The following XIRP2 variants were observed in gnomAD, a reference collection of about 807,000 sequenced individuals.
XIRP2 encodes xin actin-binding repeat-containing protein 2.
A neutral mutation model predicts 277.0 loss-of-function variants in XIRP2; 236 were observed. The observed-to-expected ratio is 0.85, with a 90% confidence interval of 0.77 to 0.95. The LOEUF is 0.95. Ranked by LOEUF, XIRP2 falls within the 40% of genes least tolerant of loss-of-function variation. The pLI, the probability that XIRP2 is intolerant of heterozygous loss-of-function variation, is 0.00. For missense variants in XIRP2, 4,640 were observed against 4,157.5 expected, an observed-to-expected ratio of 1.12 and a Z score of -3.19; for synonymous variants, 1,490 against 1,416.5, an observed-to-expected ratio of 1.05 and a Z score of -1.17.
intron 2 of XIRP2, among the ~76,000 whole-genome samples, chr2:167,067,650 A>G (rs1689330781): frequency 1.3e-5 from 2 of 152,192 alleles, no homozygotes; most frequent in Non-Finnish European, 2.9e-5. Context: ...TAAAAAATGC[A>G]GACGCAGAGA....
At chr2:167,024,006 G>T (rs1159086390) in intron 2 of XIRP2, among the ~76,000 whole-genome samples, 1 of 152,112 alleles carries the variant, frequency 6.6e-6, no homozygotes, top group Non-Finnish European at 1.5e-5. Context: ...GTCATTGGTA[G>T]CTTGATGGGG....
intron 2 of XIRP2, among the ~76,000 whole-genome samples, chr2:167,095,385 T>C (rs972542092): frequency 1.3e-5 from 2 of 152,210 alleles, no homozygotes; most frequent in Admixed American, 6.5e-5. Flanking sequence ...CATACTTTTC[T>C]TGTGCCGGTT....
chr2:166,933,233 C>T (rs1434054454), intron 2 of XIRP2, among the ~76,000 whole-genome samples: 1 of 151,048 alleles, frequency 6.6e-6, no homozygotes, highest in Non-Finnish European at 1.5e-5. Context: ...ATTGCAAGCT[C>T]CACCTCCCGG....
intron 2 of XIRP2, among the ~76,000 whole-genome samples, chr2:166,913,106 G>A (rs893263225): frequency 6.6e-6 from 1 of 152,168 alleles, no homozygotes; most frequent in Non-Finnish European, 1.5e-5. Context: ...CTCCGTGCTG[G>A]GAGAACCACT....
Position 167,259,396 on chromosome 2 carries a change from GCACT to G in XIRP2, c.*1580_*1583del. 6.5e-7 allele frequency: 1 copy of G among 1,538,676 alleles called. No homozygotes were observed. Among genetic ancestry groups the G allele is most frequent in the Non-Finnish European group, 8.7e-7 (1 of 1,144,700 alleles). ...ATGGCCACTGACAGTCCACACTTAG[GCACT>G]GAGAGATATTGATGTTCTGAAATAA... On this transcript the variant is annotated 3_prime_UTR_variant, in exon 11 of 11. Transcript: ENST00000409195.
At chr2:167,086,311 C>T (rs978622367) in intron 2 of XIRP2, among the ~76,000 whole-genome samples, 18 of 152,118 alleles carry the variant, frequency 1.2e-4, no homozygotes, top group African/African-American at 1.7e-4. Flanking sequence ...CTGAGAGATC[C>T]GCTGTTAGTC....
intron 2 of XIRP2, among the ~76,000 whole-genome samples, chr2:166,913,982 T>A (rs1394504080): frequency 6.6e-6 from 1 of 152,212 alleles, no homozygotes; most frequent in African/African-American, 2.4e-5. Context: ...GATATTTACA[T>A]TCTACTCCCC....
At chr2:167,234,347 G>C (rs1402984677) in intron 5 of XIRP2, among the ~76,000 whole-genome samples, 1 of 150,686 alleles carries the variant, frequency 6.6e-6, no homozygotes. Context: ...TGGCATTCTT[G>C]TTTCAAGGGA....
chr2:167,060,563 T>A (rs1203076510), intron 2 of XIRP2, among the ~76,000 whole-genome samples: 2 of 152,202 alleles, frequency 1.3e-5, no homozygotes, highest in East Asian at 1.9e-4. Flanking sequence ...TTCTTTTGAG[T>A]ATAAATATCC....
chr2:167,055,062 G>A (rs1445288991), intron 2 of XIRP2, among the ~76,000 whole-genome samples: 2 of 152,178 alleles, frequency 1.3e-5, no homozygotes, highest in African/African-American at 4.8e-5. Flanking sequence ...ACTCACTCAT[G>A]CATCTGTGGT....
intron 2 of XIRP2, among the ~76,000 whole-genome samples, chr2:167,131,192 G>A (rs1344352553): frequency 6.6e-6 from 1 of 152,038 alleles, no homozygotes; most frequent in Non-Finnish European, 1.5e-5. Flanking sequence ...GTGAGAACAG[G>A]AACGCTTTCT....
intron 3 of XIRP2, among the ~76,000 whole-genome samples, chr2:167,166,910 G>T (rs1692538455): frequency 6.6e-6 from 1 of 152,090 alleles, no homozygotes; most frequent in Admixed American, 6.6e-5. Context: ...CTGCCTGCTG[G>T]ATCTGTCCAT....
chr2:167,040,928 A>G (rs1418271827), intron 2 of XIRP2, among the ~76,000 whole-genome samples: 2 of 152,168 alleles, frequency 1.3e-5, no homozygotes, highest in Non-Finnish European at 2.9e-5. Context: ...CATTGCCACC[A>G]CGCTGTCCAT....
At chr2:166,914,459 G>A (rs1042675365) in intron 2 of XIRP2, among the ~76,000 whole-genome samples, 1 of 152,032 alleles carries the variant, frequency 6.6e-6, no homozygotes, top group Non-Finnish European at 1.5e-5. Flanking sequence ...TCCTGTCTCA[G>A]CCTCCCGAGT....
intron 2 of XIRP2, among the ~76,000 whole-genome samples, chr2:167,025,115 A>G (rs1380190842): frequency 2.0e-5 from 3 of 152,124 alleles, no homozygotes; most frequent in Non-Finnish European, 4.4e-5. Flanking sequence ...GCTATTGATT[A>G]TTGCCACAAT....
At position 167,250,597 on chromosome 2, in the gene XIRP2, C is replaced by T. The variant is rs781331546; in HGVS notation, c.9205C>T (p.Gln3069Ter). ...VHVSNNKNSE[Q>*]KENKIAKEKT... is the part of the protein sequence containing the mutation. ...TGTCAGCAATAATAAAAATAGTGAACAGAAAGAAAATAAAATTGCCAAAGA... is the reference window on the plus strand; with the variant it reads ...TGTCAGCAATAATAAAAATAGTGAATAGAAAGAAAATAAAATTGCCAAAGA... Residue 3069 changes from glutamine to a stop codon, truncating the protein, a stop_gained, in exon 9 of 11, where the codon CAG becomes TAG. Coordinates refer to ENST00000409195, the MANE Select transcript of XIRP2 (RefSeq NM_152381.6). LOFTEE classifies it high-confidence loss of function. 6 of 1,613,016 alleles carry T rather than the reference C, an allele frequency of 3.7e-6. No individual in the cohort carries two copies. In the African/African-American group the frequency reaches 8.0e-5, roughly 22 times the overall value.
chr2:167,128,279 A>G (rs1334683379), intron 2 of XIRP2, among the ~76,000 whole-genome samples: 1 of 152,116 alleles, frequency 6.6e-6, no homozygotes, highest in Non-Finnish European at 1.5e-5. Context: ...TCCTTATTAC[A>G]TTTACTACAG....
At chr2:167,209,928 A>G (rs1355575186) in intron 3 of XIRP2, among the ~76,000 whole-genome samples, 1 of 152,096 alleles carries the variant, frequency 6.6e-6, no homozygotes, top group Non-Finnish European at 1.5e-5. Context: ...CTCTAAGATC[A>G]TTCTGTTTCT....
chr2:167,113,812 A>T (rs1690824446), intron 2 of XIRP2, among the ~76,000 whole-genome samples: 1 of 151,968 alleles, frequency 6.6e-6, no homozygotes, highest in Non-Finnish European at 1.5e-5. Context: ...TTCTTTCAGG[A>T]CCTCTTATTA....
Sources: gnomAD v4.1 joint callset for allele counts (sites outside exome capture counted in the v4.1 genomes callset) on GRCh38, gnomAD v4.1.1 for gene constraint, MANE v1.5 for transcripts, NCBI Gene and HGNC (gene_info 2026-07-23, HGNC 2026-07-21) for gene names.